PPIG: variants seen among roughly 807,000 people sequenced by gnomAD.
PPIG encodes the protein peptidylprolyl isomerase G.
Under a neutral mutation model 87.9 loss-of-function variants are expected in PPIG, and 26 were observed. The ratio of observed to expected loss-of-function variants is 0.30; its 90% CI spans 0.22 to 0.41. PPIG has a LOEUF of 0.41. Among genes scored for constraint, PPIG ranks in the 10% least tolerant of loss-of-function variants. The pLI is 1.00. For synonymous variants in PPIG, 308 were observed against 276.5 expected (o/e 1.11, Z -1.13); for missense variants, 722 against 879.4 (o/e 0.82, Z 2.26).
chr2:169,589,183 T>G (rs1361010103), intron 1 of PPIG, among the ~76,000 whole-genome samples: 3 of 152,146 alleles, frequency 2.0e-5, no homozygotes, highest in Non-Finnish European at 4.4e-5. Flanking sequence ...TCTAGAGGAT[T>G]TAAGAATTTC....
At position 169,636,484 on chromosome 2, in the gene PPIG, A is replaced by G. The variant is rs55958955; in HGVS notation, c.1226A>G (p.His409Arg). ...VRVKERKITDHRNVSESPNRK... is the reference protein window; with the variant it reads ...VRVKERKITDRRNVSESPNRK... ...GTAAAAGAGAGAAAAATAACAGATCACAGGAATGTATCTGAGAGTCCAAAC... is the reference window on the plus strand; with the variant it reads ...GTAAAAGAGAGAAAAATAACAGATCGCAGGAATGTATCTGAGAGTCCAAAC... The change falls in exon 14 of 14, where the codon CAC (histidine) becomes CGC (arginine). Residue 409 changes from histidine to arginine, a missense_variant. By Grantham distance (29) the His-to-Arg change is conservative. This residue lies in a region of PPIG where 476 missense variants were observed against 483.1 expected (regional missense o/e 0.99). Transcript: ENST00000260970. 6 of 1,594,964 alleles carry G rather than the reference A, an allele frequency of 3.8e-6. No individual in the cohort carries two copies. The highest frequency in any genetic ancestry group is 4.3e-6 in the Non-Finnish European group (5 of 1,173,854).
Position 169,630,894 on chromosome 2 carries a change from C to G in PPIG, c.668C>G (p.Thr223Ser), listed in dbSNP as rs765701400. ...SSDSSDSESA[T>S]EEKSKKRKKK... ...GATTCCTCTGATTCCGAAAGTGCTA[C>G]TGAAGAGAAATCAAAGAAAAGAAAA... The change falls in exon 10 of 14, where the codon ACT (threonine) becomes AGT (serine). Residue 223 changes from threonine (T) to serine (S), a missense_variant. By Grantham distance (58) the Thr-to-Ser change is moderately conservative. Coordinates refer to ENST00000260970, the MANE Select transcript of PPIG (RefSeq NM_004792.3). 2 of 1,609,804 alleles carry G rather than the reference C, an allele frequency of 1.2e-6. No individual in the cohort carries two copies. Among genetic ancestry groups the G allele is most frequent in the South Asian group, 2.2e-5 (2 of 89,548 alleles).
At chr2:169,619,468 GGTGTTAAAGTCTCCCATTATTATT>G (rs1289356626) in intron 9 of PPIG, among the ~76,000 whole-genome samples, 2 of 152,062 alleles carry the variant, frequency 1.3e-5, no homozygotes, top group Non-Finnish European at 2.9e-5. Context: ...TTGACAGTGG[GGTGTTAAAGTCTCCCATTATTATT>G]GTGTGGGAGT....
Position 169,631,878 on chromosome 2 carries a change from C to A in PPIG, c.874C>A (p.Pro292Thr), listed in dbSNP as rs752331858. The A allele has an allele frequency of 6.2e-7, 1 of 1,610,388 alleles. No individual in the cohort carries two copies. Reference sequence around the variant, plus strand: ...TAGATTCCTAATGAGAAAAAGTCCTCCTAAAGCTGATGAGAAGGAAAGGAA... The same window carrying A: ...TAGATTCCTAATGAGAAAAAGTCCTACTAAAGCTGATGAGAAGGAAAGGAA... ...ENRFLMRKSP[P>T]KADEKERKNR... The change falls in exon 11 of 14, where the codon CCT (proline) becomes ACT (threonine). Residue 292 changes from proline to threonine, a missense_variant. Physicochemically the swap from Pro to Thr is conservative, Grantham distance 38. Transcript: ENST00000260970.
chr2:169,609,264 A>G (rs952921742), intron 7 of PPIG, among the ~76,000 whole-genome samples: 1 of 151,944 alleles, frequency 6.6e-6, no homozygotes, highest in African/African-American at 2.4e-5. Context: ...AGGCGAGTGC[A>G]GTGTTGCAAT....
chr2:169,623,994 G>C (rs760035328), intron 9 of PPIG, among the ~76,000 whole-genome samples: 1 of 152,112 alleles, frequency 6.6e-6, no homozygotes, highest in South Asian at 2.1e-4. Context: ...TTTTGAGACT[G>C]TCTTGTTCTG....
At chr2:169,624,832 C>G (rs189534797) in intron 9 of PPIG, among the ~76,000 whole-genome samples, 14 of 152,130 alleles carry the variant, frequency 9.2e-5, no homozygotes, top group Non-Finnish European at 1.5e-4. Context: ...CTTCGTGATC[C>G]GCCCACCTCG....
chr2:169,625,399 A>G (rs1392989521), intron 9 of PPIG, among the ~76,000 whole-genome samples: 1 of 152,190 alleles, frequency 6.6e-6, no homozygotes, highest in Non-Finnish European at 1.5e-5. Flanking sequence ...CAGTTTGCAG[A>G]GGTCATGCAT....
At chr2:169,634,454 A>G (rs556492399) in intron 12 of PPIG, among the ~76,000 whole-genome samples, 1 of 152,212 alleles carries the variant, frequency 6.6e-6, no homozygotes, top group South Asian at 2.1e-4. Flanking sequence ...CATGACTCCC[A>G]TGGCTGGTAA....
chr2:169,637,606 C>T lies in PPIG; in HGVS notation c.*83C>T. 7.7e-7 allele frequency: 1 copy of T among 1,295,568 alleles called. No homozygotes were observed. 80.3% of individuals were successfully genotyped at this position (1,295,568 alleles called of 1,614,324 possible). A position where few individuals can be genotyped will look rare whatever the true frequency, so the allele number is the denominator to read the frequency against. ...TAATGAATCTCCTTTATGTTGTTTTCCTTTTCATTGTTTTTGGATTGTTTT... is the reference window on the plus strand; with the variant it reads ...TAATGAATCTCCTTTATGTTGTTTTTCTTTTCATTGTTTTTGGATTGTTTT... On this transcript the variant is annotated 3_prime_UTR_variant, in exon 14 of 14. Coordinates refer to ENST00000260970, the MANE Select transcript of PPIG (RefSeq NM_004792.3).
At chr2:169,623,913 AAGC>A (rs774663505) in intron 9 of PPIG, among the ~76,000 whole-genome samples, 1 of 152,218 alleles carries the variant, frequency 6.6e-6, no homozygotes, top group Non-Finnish European at 1.5e-5. Flanking sequence ...ATAAAAAACA[AAGC>A]AGCATTTTGT....
At position 169,636,797 on chromosome 2, in the gene PPIG, G is replaced by A. The variant is rs376264496; in HGVS notation, c.1539G>A (p.Arg513=). Reference sequence around the variant, plus strand: ...ATTCTAAAGGAAAAGATCAGGAAAGGAGTAGAAGTAAAGAGAAGTCTAAAC... The same window carrying A: ...ATTCTAAAGGAAAAGATCAGGAAAGAAGTAGAAGTAAAGAGAAGTCTAAAC... ...QSDSKGKDQE[R]SRSKEKSKQL... The change falls in exon 14 of 14, where the codon AGG becomes AGA. Residue 513 remains arginine, a synonymous_variant. Transcript: ENST00000260970. 2.0e-4 allele frequency: 318 copies of A among 1,612,854 alleles called. No individual in the cohort carries two copies. Among genetic ancestry groups the A allele is most frequent in the Admixed American group, 6.0e-4 (36 of 59,800 alleles).
chr2:169,584,789 C>A, intron 1 of PPIG: 1 of 297,112 alleles, frequency 3.4e-6, no homozygotes, highest in Non-Finnish European at 6.5e-6. Context: ...CCCTCACTGA[C>A]GCATTTTGCC....
chr2:169,623,910 A>G (rs1558898237), intron 9 of PPIG, among the ~76,000 whole-genome samples: 1 of 152,184 alleles, frequency 6.6e-6, no homozygotes. Context: ...CAAATAAAAA[A>G]CAAAGCAGCA....
intron 9 of PPIG, among the ~76,000 whole-genome samples, chr2:169,623,154 G>A (rs184712846): frequency 2.1e-4 from 32 of 152,252 alleles, no homozygotes; most frequent in Middle Eastern, 6.8e-3. Context: ...TGCAGAGATG[G>A]AACACTGGAA....
At position 169,630,777 on chromosome 2, in the gene PPIG, A is replaced by G; in HGVS notation, c.551A>G (p.Lys184Arg). 1 of 1,590,348 alleles carries G rather than the reference A, an allele frequency of 6.3e-7. No individual in the cohort carries two copies. The highest frequency in any genetic ancestry group is 8.5e-7 in the Non-Finnish European group (1 of 1,173,516). ...CGELIPKSKV[K>R]KEEKKRHKSS... ...AACCTTTTTGTTTTTATTAAAGTTA[A>G]GAAAGAAGAAAAGAAAAGGCATAAA... Residue 184 changes from lysine (K) to arginine (R), a missense_variant, in exon 10 of 14, where the codon AAG becomes AGG. Lys to Arg is a conservative substitution (Grantham distance 26). Around this residue, in one of 4 missense-constraint regions of PPIG, gnomAD observed 142 missense variants for 152.8 expected, o/e 0.93. Coordinates refer to ENST00000260970, the MANE Select transcript of PPIG (RefSeq NM_004792.3).
chr2:169,595,028 A>G (rs1245207884), intron 1 of PPIG, among the ~76,000 whole-genome samples: 1 of 152,104 alleles, frequency 6.6e-6, no homozygotes, highest in East Asian at 1.9e-4. Flanking sequence ...TCCCGGGTTC[A>G]AGCGATTCTC....
intron 7 of PPIG, among the ~76,000 whole-genome samples, chr2:169,613,278 G>A (rs964653569): frequency 2.6e-5 from 4 of 152,130 alleles, no homozygotes; most frequent in African/African-American, 9.7e-5. Context: ...GGAAACAATA[G>A]CAGGTCATTA....
chr2:169,609,393 T>A (rs1344385128), intron 7 of PPIG, among the ~76,000 whole-genome samples: 1 of 152,022 alleles, frequency 6.6e-6, no homozygotes, highest in African/African-American at 2.4e-5. Flanking sequence ...AATTTTTTTG[T>A]AGAGACGGGG....
Sources: gnomAD v4.1 joint callset for allele counts (sites outside exome capture counted in the v4.1 genomes callset) on GRCh38, gnomAD v4.1.1 for gene constraint, gnomAD v4.1.1 regional missense constraint, MANE v1.5 for transcripts, NCBI Gene and HGNC (gene_info 2026-07-23, HGNC 2026-07-21) for gene names.